DHX35: variants seen among roughly 807,000 people sequenced by gnomAD.
DHX35 encodes probable ATP-dependent RNA helicase DHX35.
In DHX35, 84 loss-of-function variants were observed where a neutral mutation model predicts 99.6. The observed-to-expected ratio is 0.84, with a 90% confidence interval of 0.71 to 1.01. DHX35 has a LOEUF of 1.01. DHX35 is among the 50% of genes least tolerant of loss of function. The pLI, the probability that DHX35 is intolerant of heterozygous loss-of-function variation, is 0.00. For missense variants in DHX35, 852 were observed against 888.5 expected (o/e 0.96, Z 0.52); for synonymous variants, 331 against 316.2 (o/e 1.05, Z -0.50).
intron 3 of DHX35, 97 bp from the exon 4 acceptor site, chr20:38,983,602 T>G: frequency 1.0e-6 from 1 of 956,034 alleles, no homozygotes; most frequent in Middle Eastern, 2.2e-4. Context: ...TACTTTTTCC[T>G]TTCTTAGTGA....
intron 14 of DHX35, among the ~76,000 whole-genome samples, chr20:39,017,365 CT>C (rs5841311): frequency 0.37 from 55,696 of 151,672 alleles, 10,608 homozygotes; most frequent in Middle Eastern, 0.52. Context: ...TTTCCACCCC[CT>C]TCTTCTCAAG....
At chr20:38,964,562 C>CT (rs1161411068) in intron 1 of DHX35, among the ~76,000 whole-genome samples, 1 of 152,124 alleles carries the variant, frequency 6.6e-6, no homozygotes, top group African/African-American at 2.4e-5. Flanking sequence ...TCCTGAGTAG[C>CT]TGGGACTACA....
chr20:39,021,700 T>C, intron 15 of DHX35, 141 bp from the exon 16 acceptor site: 4 of 806,454 alleles, frequency 5.0e-6, no homozygotes, highest in Non-Finnish European at 8.3e-6. Context: ...CAGGCTTATA[T>C]ACTATACACT....
intron 16 of DHX35, among the ~76,000 whole-genome samples, chr20:39,022,253 C>T (rs1460723791): frequency 6.6e-6 from 1 of 152,136 alleles, no homozygotes; most frequent in East Asian, 1.9e-4. Context: ...TGCACTCTGC[C>T]TCCCAGGTTC....
rs1568714388 is a variant in DHX35 at position 38,971,994 on chromosome 20, G to GTTTTTTT, written c.175-561_175-560insTTTTTTT. 5.6e-4 allele frequency among the ~76,000 whole-genome samples: 63 copies of GTTTTTTT among 112,050 alleles called. 1 individual carries two copies. The highest frequency in any genetic ancestry group is 8.5e-4 in the Non-Finnish European group (45 of 52,800). 73.5% of individuals were successfully genotyped at this position (112,050 alleles called of 152,430 possible). A position where few individuals can be genotyped will look rare whatever the true frequency, so the allele number is the denominator to read the frequency against. ...ATGTCTATAATTTCTTGTTTTTTTT[G>GTTTTTTT]TTTTGTTTTGTTTTTTTTTTTTTTT... On this transcript the variant is annotated intron_variant, in intron 2 of 21. Coordinates refer to ENST00000252011, the MANE Select transcript of DHX35 (RefSeq NM_021931.4).
chr20:39,029,545 G>A (rs2087011995), intron 19 of DHX35: 2 of 151,606 alleles, frequency 1.3e-5, no homozygotes, highest in South Asian at 4.2e-4. Context: ...TGATTCATTT[G>A]CCCATTGTAT....
At chr20:39,000,131 A>T (rs1357993086) in intron 8 of DHX35, among the ~76,000 whole-genome samples, 2 of 152,058 alleles carry the variant, frequency 1.3e-5, no homozygotes, top group Admixed American at 1.3e-4. Flanking sequence ...CTGGGAAGGG[A>T]TGTCTCCCCC....
chr20:38,982,176 C>G (rs936470270), intron 3 of DHX35, among the ~76,000 whole-genome samples: 2 of 132,984 alleles, frequency 1.5e-5, no homozygotes, highest in African/African-American at 5.7e-5. Flanking sequence ...CTCTTTTGAG[C>G]CTTTCTTTAT....
rs185856978 is a variant in DHX35, at chr20:39,014,897, G to T, written c.1365G>T (p.Ser455=). ...TTTTCCAGCCCCCTCCAGCACAGTC[G>T]ATGGTTCAAGCCTTGGAGTTACTGT... ...FHFMSPPPAQ[S]MVQALELLYA... is the part of the protein sequence containing the mutation. Residue 455 remains serine, a synonymous_variant, in exon 14 of 22, where the codon TCG becomes TCT. Coordinates refer to ENST00000252011, the MANE Select transcript of DHX35 (RefSeq NM_021931.4). The T allele has an allele frequency of 2.6e-5, 42 of 1,614,138 alleles. No homozygotes were observed. The highest frequency in any genetic ancestry group is 1.2e-4 in the Admixed American group (7 of 60,026).
At chr20:39,010,258 A>C (rs1480524682) in intron 12 of DHX35, 22 bp from the exon 13 acceptor site, 1 of 1,614,082 alleles carries the variant, frequency 6.2e-7, no homozygotes, top group Non-Finnish European at 8.5e-7. Flanking sequence ...GGTCCCAAAC[A>C]GTTCTGATTT....
Position 38,994,196 on chromosome 20 carries a change from G to T in DHX35, c.583-625G>T, listed in dbSNP as rs1268416020. 2.6e-5 allele frequency among the ~76,000 whole-genome samples: 4 copies of T among 152,042 alleles called. No individual in the cohort carries two copies. In the South Asian group the frequency reaches 8.3e-4, roughly 32 times the overall value. ...CATGTTATTACCTTTTTCAGGAACG[G>T]TATAATAAGAGGGCCGATTTCACTG... is the stretch of plus-strand genomic sequence containing the variant. On this transcript the variant is annotated intron_variant, in intron 7 of 21. Coordinates refer to ENST00000252011, the MANE Select transcript of DHX35 (RefSeq NM_021931.4).
chr20:38,971,957 G>A (rs1389789772), intron 2 of DHX35, among the ~76,000 whole-genome samples: 2 of 146,902 alleles, frequency 1.4e-5, no homozygotes, highest in Non-Finnish European at 3.0e-5. Context: ...TACACATATA[G>A]TATGTAGCAG....
chr20:39,019,195 T>C (rs2086835273), intron 15 of DHX35, among the ~76,000 whole-genome samples: 1 of 152,168 alleles, frequency 6.6e-6, no homozygotes, highest in African/African-American at 2.4e-5. Flanking sequence ...GCCCCGCCCC[T>C]GGCAACCACC....
rs975253525 is a variant in DHX35, at chr20:39,003,962, G to A, written c.1011+55G>A. On this transcript the variant is annotated intron_variant, in intron 11 of 21. Transcript: ENST00000252011. ...GGCAGCCGTCTATAATCATAATGAT[G>A]CTCCTTTACTTGTTTTGAAACTTGC... 22 of 1,592,696 alleles carry A rather than the reference G, an allele frequency of 1.4e-5. No individual in the cohort carries two copies. The Admixed American group carries it at 1.9e-4, about 13-fold the overall frequency.
intron 5 of DHX35, 36 bp from the exon 6 acceptor site, chr20:38,991,418 G>A: frequency 2.5e-6 from 4 of 1,590,420 alleles, no homozygotes; most frequent in Non-Finnish European, 3.4e-6. Flanking sequence ...TAGTGTAAGT[G>A]AATTATTTCT....
In DHX35 at chr20:39,038,745, C is replaced by A; in HGVS notation, c.*202C>A. On this transcript the variant is annotated 3_prime_UTR_variant, in exon 22 of 22. Transcript: ENST00000252011. ...TGCTGGGATCCTGGAGGACTTTGTGCATGGGCAGGCATCCTTCTGTGCTGC... is the reference window on the plus strand; with the variant it reads ...TGCTGGGATCCTGGAGGACTTTGTGAATGGGCAGGCATCCTTCTGTGCTGC... 3 of 601,558 alleles carry A rather than the reference C, an allele frequency of 5.0e-6. No homozygotes were observed. Among genetic ancestry groups the A allele is most frequent in the Non-Finnish European group, 2.9e-6 (1 of 340,252 alleles). 37.3% of individuals were successfully genotyped at this position (601,558 alleles called of 1,614,324 possible). A position where few individuals can be genotyped will look rare whatever the true frequency, so the allele number is the denominator to read the frequency against.
chr20:39,038,483 T>C lies in DHX35; in HGVS notation c.2068-16T>C. 6.2e-7 allele frequency: 1 copy of C among 1,613,670 alleles called. No homozygotes were observed. Among genetic ancestry groups the C allele is most frequent in the Non-Finnish European group, 8.5e-7 (1 of 1,180,002 alleles). ...TCTAATCAACCCCAACTGTAGTGTC[T>C]TCTCTTCTGTTGCAGCACCTGTCTC... On this transcript the variant is annotated splice_polypyrimidine_tract_variant and intron_variant, in intron 21 of 21. Transcript: ENST00000252011.
chr20:38,991,745 G>A (rs1434394384), intron 6 of DHX35, among the ~76,000 whole-genome samples: 1 of 152,166 alleles, frequency 6.6e-6, no homozygotes, highest in Non-Finnish European at 1.5e-5. Flanking sequence ...ACTTAGTCTG[G>A]TGACTTGTCC....
chr20:38,999,622 C>T (rs1293566042), intron 8 of DHX35, among the ~76,000 whole-genome samples: 1 of 152,232 alleles, frequency 6.6e-6, no homozygotes, highest in African/African-American at 2.4e-5. Flanking sequence ...TTCCAATGTG[C>T]ACGTGTGTGC....
Sources: gnomAD v4.1 joint callset for allele counts (sites outside exome capture counted in the v4.1 genomes callset) on GRCh38, gnomAD v4.1.1 for gene constraint, MANE v1.5 for transcripts, NCBI Gene and HGNC (gene_info 2026-07-23, HGNC 2026-07-21) for gene names.